ATP2C1: variants seen among roughly 807,000 people sequenced by gnomAD.
ATP2C1 encodes the protein ATPase secretory pathway Ca2+ transporting 1, also known as calcium-transporting ATPase type 2C member 1.
A neutral mutation model predicts 120.5 loss-of-function variants in ATP2C1; 31 were observed. The ratio of observed to expected loss-of-function variants is 0.26; its 90% CI spans 0.19 to 0.35. ATP2C1 has a LOEUF of 0.35. ATP2C1 is among the 10% of genes least tolerant of loss of function. The probability of loss-of-function intolerance (pLI) is 1.00; values close to 1 mark genes in which losing one functional copy is unlikely to be tolerated. For missense variants in ATP2C1, 731 were observed against 1,107.5 expected, an observed-to-expected ratio of 0.66 and a Z score of 4.83; for synonymous variants, 351 against 358.7, an observed-to-expected ratio of 0.98 and a Z score of 0.24.
chr3:130,959,493 A>AT lies in ATP2C1; in HGVS notation c.899+154dup, dbSNP rs1464002699. On this transcript the variant is annotated intron_variant, in intron 12 of 27. Transcript: ENST00000510168. ...AATAGTTCAGAAGTCATATATTAAAATTATCCTTAGAAAAATGAAAATGTA... is the reference window on the plus strand; with the variant it reads ...AATAGTTCAGAAGTCATATATTAAAATTTATCCTTAGAAAAATGAAAATGTA... 1.3e-5 allele frequency: 7 copies of AT among 524,356 alleles called. No homozygotes were observed. The East Asian group carries it at 2.2e-4, about 16-fold the overall frequency. The allele number at this position is 524,356 out of a possible 1,614,324, so 32.5% of individuals were successfully genotyped here. A position where few individuals can be genotyped will look rare whatever the true frequency, so the allele number is the denominator to read the frequency against.
At chr3:130,950,612 G>A (rs775166839) in intron 8 of ATP2C1, among the ~76,000 whole-genome samples, 5 of 152,056 alleles carry the variant, frequency 3.3e-5, no homozygotes, top group African/African-American at 1.2e-4. Context: ...GAAAGTATTC[G>A]TATTCAACAG....
rs570450771 is a variant in ATP2C1 at position 130,880,769 on chromosome 3, T to C, written c.108+29841T>C. ...AGTATGCTCAGTGGGACTAGTGGTC[T>C]GTTTGGATGATTGTCCTGGGCTAAA... On this transcript the variant is annotated intron_variant, in intron 1 of 26. Transcript: ENST00000504381. Among the ~76,000 whole-genome samples, 318 of 152,342 alleles carry C rather than the reference T, an allele frequency of 2.1e-3. 1 individual carries two copies. Among genetic ancestry groups the C allele is most frequent in the African/African-American group, 7.4e-3 (306 of 41,576 alleles).
At chr3:130,881,383 C>T (rs1019722663) in intron 1 of ATP2C1, among the ~76,000 whole-genome samples, 24 of 151,656 alleles carry the variant, frequency 1.6e-4, no homozygotes, top group African/African-American at 4.9e-4. Flanking sequence ...CCTTCCCCTC[C>T]TTTGTCTCTC....
At chr3:130,881,196 T>A (rs2068768258) in intron 1 of ATP2C1, among the ~76,000 whole-genome samples, 1 of 152,194 alleles carries the variant, frequency 6.6e-6, no homozygotes, top group African/African-American at 2.4e-5. Flanking sequence ...GCTAGAGGCC[T>A]GCAGATATGA....
chr3:130,969,776 T>C (rs1470089374), intron 17 of ATP2C1, among the ~76,000 whole-genome samples: 2 of 152,214 alleles, frequency 1.3e-5, no homozygotes, highest in African/African-American at 2.4e-5. Context: ...GAATGTCTTA[T>C]CTTTAGAACA....
intron 18 of ATP2C1, among the ~76,000 whole-genome samples, chr3:130,976,992 A>G (rs1437330538): frequency 1.3e-5 from 2 of 152,192 alleles, no homozygotes; most frequent in African/African-American, 2.4e-5. Flanking sequence ...GGCTCAGGGT[A>G]ACACTTTTGT....
chr3:130,913,855 C>T (rs1057249784), intron 2 of ATP2C1, among the ~76,000 whole-genome samples: 1 of 152,126 alleles, frequency 6.6e-6, no homozygotes, highest in African/African-American at 2.4e-5. Context: ...CGGTTCCTGG[C>T]CATATCACTT....
At chr3:130,958,685 A>G (rs1306650951) in intron 11 of ATP2C1, among the ~76,000 whole-genome samples, 2 of 152,124 alleles carry the variant, frequency 1.3e-5, no homozygotes, top group South Asian at 2.1e-4. Flanking sequence ...AGCAAGGAGT[A>G]TTGGTTTAAT....
chr3:130,989,877 G>C (rs948232036), intron 20 of ATP2C1, among the ~76,000 whole-genome samples: 5 of 152,146 alleles, frequency 3.3e-5, no homozygotes, highest in African/African-American at 1.2e-4. Context: ...CACTTGGAAG[G>C]TTACCAGTAT....
intron 8 of ATP2C1, among the ~76,000 whole-genome samples, chr3:130,945,594 G>C (rs746005586): frequency 7.1e-6 from 1 of 141,502 alleles, no homozygotes; most frequent in Non-Finnish European, 1.5e-5. Context: ...CAATTCCCAC[G>C]TATGAGTGAG....
upstream of ATP2C1, among the ~76,000 whole-genome samples, chr3:130,891,758 T>C (rs145769661): frequency 9.8e-5 from 15 of 152,332 alleles, no homozygotes; most frequent in Admixed American, 3.9e-4. Flanking sequence ...AGAAGGCTAG[T>C]GTGTATGTAT....
intron 8 of ATP2C1, among the ~76,000 whole-genome samples, chr3:130,952,723 C>G (rs545238101): frequency 6.6e-6 from 1 of 152,276 alleles, no homozygotes; most frequent in African/African-American, 2.4e-5. Flanking sequence ...AAGTCATGAA[C>G]TAATTCCTAG....
chr3:130,997,840 G>T lies in ATP2C1; in HGVS notation c.2391+87G>T, dbSNP rs1407949684. 1.0e-4 allele frequency: 153 copies of T among 1,470,680 alleles called. 1 individual carries two copies. Among genetic ancestry groups the T allele is most frequent in the Non-Finnish European group, 2.2e-5 (23 of 1,059,578 alleles). The allele number at this position is 1,470,680 out of a possible 1,614,324, so 91.1% of individuals were successfully genotyped here. ...GTTATTTTGATGGGTTACCCAGAAG[G>T]CTGGGAAGTTAAGGGAGCTCTTTTA... is the stretch of plus-strand genomic sequence containing the variant. On this transcript the variant is annotated intron_variant, in intron 25 of 27. Transcript: ENST00000510168.
rs1023813842 is a variant in ATP2C1 at position 130,982,753 on chromosome 3, G to A, written c.1839+2074G>A. The stretch of plus-strand genomic sequence containing the variant: ...AAATTGTTTCTGCATCTTAAGGTAT[G>A]TCTATACTTTTTTGATTAGAAAATT... On this transcript the variant is annotated intron_variant, in intron 20 of 27. Transcript: ENST00000510168. 3.9e-5 allele frequency among the ~76,000 whole-genome samples: 6 copies of A among 152,074 alleles called. No individual in the cohort carries two copies. In the South Asian group the frequency reaches 1.2e-3, roughly 32 times the overall value.
chr3:130,856,561 T>C (rs2067848278), intron 1 of ATP2C1, among the ~76,000 whole-genome samples: 1 of 152,382 alleles, frequency 6.6e-6, no homozygotes, highest in African/African-American at 2.4e-5. Context: ...AAAGTCTTTT[T>C]GAAAAGTCAT....
chr3:130,965,335 C>G (rs2061005151), intron 14 of ATP2C1, among the ~76,000 whole-genome samples: 1 of 152,076 alleles, frequency 6.6e-6, no homozygotes, highest in Non-Finnish European at 1.5e-5. Context: ...CAGCCATCTA[C>G]TTTATAGCCA....
chr3:131,009,067 C>A (rs2063218748), intron 26 of ATP2C1, among the ~76,000 whole-genome samples: 1 of 152,236 alleles, frequency 6.6e-6, no homozygotes, highest in African/African-American at 2.4e-5. Flanking sequence ...TTGATGGGCT[C>A]ACTTCTACCT....
intron 2 of ATP2C1, chr3:130,918,163 G>T: frequency 1.0e-6 from 1 of 970,362 alleles, no homozygotes; most frequent in East Asian, 2.4e-5. Context: ...AAGATTATCT[G>T]TGCCTAGATT....
chr3:130,916,596 T>C (rs1253778291), intron 2 of ATP2C1, among the ~76,000 whole-genome samples: 2 of 152,082 alleles, frequency 1.3e-5, no homozygotes, highest in Non-Finnish European at 2.9e-5. Flanking sequence ...GCAGTACCAA[T>C]TTCTTTTGCC....
Sources: allele counts gnomAD v4.1 joint callset (sites outside exome capture counted in the v4.1 genomes callset), GRCh38; gene constraint gnomAD v4.1.1; transcripts MANE v1.5; gene names NCBI Gene and HGNC (gene_info 2026-07-23, HGNC 2026-07-21).